FAM107B: variants seen among roughly 807,000 people sequenced by gnomAD.
The protein encoded by FAM107B is family with sequence similarity 107 member B, also known as protein FAM107B.
A neutral mutation model predicts 31.5 loss-of-function variants in FAM107B; 21 were observed. The ratio of observed to expected loss-of-function variants is 0.67; its 90% confidence interval spans 0.47 to 0.96. The LOEUF is 0.96. FAM107B is among the 40% of genes least tolerant of loss of function. The pLI is 0.00. For synonymous variants in FAM107B, 157 were observed against 141.5 expected (o/e 1.11, Z -0.78); for missense variants, 452 against 377.1 (o/e 1.20, Z -1.64).
chr10:14,698,636 A>G lies in FAM107B; in HGVS notation c.412-30945T>C, dbSNP rs1308318636. Among the ~76,000 whole-genome samples the G allele has an allele frequency of 2.0e-5, 3 of 152,210 alleles. No homozygotes were observed. The East Asian group carries it at 5.8e-4, about 29-fold the overall frequency. ...GGCTCAAAAACACGTGAGTTGACCAAGGTCCTACAGCTGTGACTCAGCTCC... is the reference window on the plus strand; with the variant it reads ...GGCTCAAAAACACGTGAGTTGACCAGGGTCCTACAGCTGTGACTCAGCTCC... On this transcript the variant is annotated intron_variant, in intron 1 of 4. Transcript: ENST00000181796.
chr10:14,594,630 A>G (rs1287252453), intron 2 of FAM107B, among the ~76,000 whole-genome samples: 1 of 152,238 alleles, frequency 6.6e-6, no homozygotes, highest in Non-Finnish European at 1.5e-5. Flanking sequence ...AAGAAGCAGT[A>G]AAGACACAGC....
At chr10:14,587,495 T>A (rs559170437) in intron 2 of FAM107B, among the ~76,000 whole-genome samples, 1 of 152,356 alleles carries the variant, frequency 6.6e-6, no homozygotes, top group Admixed American at 6.5e-5. Context: ...CTTATTTTCA[T>A]GGTATGAACA....
chr10:14,659,376 G>A (rs1854162312), intron 2 of FAM107B, among the ~76,000 whole-genome samples: 1 of 152,130 alleles, frequency 6.6e-6, no homozygotes, highest in African/African-American at 2.4e-5. Flanking sequence ...AGGGGGCAGA[G>A]GTTGCAGTGA....
intron 1 of FAM107B, among the ~76,000 whole-genome samples, chr10:14,710,445 C>T (rs867809472): frequency 0.023 from 3,271 of 139,466 alleles, 108 homozygotes; most frequent in African/African-American, 0.075. Context: ...CACACACACA[C>T]ACACACACAC....
At position 14,520,192 on chromosome 10, in the gene FAM107B, T is replaced by C. The variant is rs1845500742; in HGVS notation, c.*998A>G. 1 of 152,426 alleles carries C rather than the reference T, an allele frequency of 6.6e-6. No homozygotes were observed. The highest frequency in any genetic ancestry group is 1.5e-5 in the Non-Finnish European group (1 of 68,040). The allele number at this position is 152,426 out of a possible 1,614,324, so 9.4% of individuals were successfully genotyped here. ...ATTATCATTAGACATTCAAATGCTA[T>C]ACATCTTCTGATGAAGCCTCCTTGA... On this transcript the variant is annotated 3_prime_UTR_variant, in exon 5 of 5. Coordinates refer to ENST00000181796, the MANE Select transcript of FAM107B (RefSeq NM_031453.4).
intron 1 of FAM107B, among the ~76,000 whole-genome samples, chr10:14,700,827 C>CAAAAAAA (rs1159035034): frequency 5.3e-5 from 4 of 76,018 alleles, no homozygotes; most frequent in Admixed American, 3.7e-4. Flanking sequence ...TGGCAAGAGG[C>CAAAAAAA]AAAAAAAAAA....
chr10:14,569,553 TTCCTCAAC>T (rs1357979426), intron 2 of FAM107B, among the ~76,000 whole-genome samples: 1 of 151,952 alleles, frequency 6.6e-6, no homozygotes, highest in Non-Finnish European at 1.5e-5. Flanking sequence ...CAGAAAAAAA[TTCCTCAAC>T]TCAAGAACAA....
intron 2 of FAM107B, among the ~76,000 whole-genome samples, chr10:14,594,686 G>A (rs963697077): frequency 7.9e-5 from 12 of 152,130 alleles, no homozygotes; most frequent in East Asian, 5.8e-4. Context: ...TTAAAACCCC[G>A]AGCAAGCTTT....
At chr10:14,771,656 G>A (rs777864422) in intron 1 of FAM107B, among the ~76,000 whole-genome samples, 8 of 151,748 alleles carry the variant, frequency 5.3e-5, no homozygotes, top group Non-Finnish European at 1.0e-4. Flanking sequence ...TAATTATATC[G>A]ACATCAACAT....
At chr10:14,620,931 T>C (rs564484423) in intron 2 of FAM107B, among the ~76,000 whole-genome samples, 31 of 152,360 alleles carry the variant, frequency 2.0e-4, no homozygotes, top group African/African-American at 7.5e-4. Flanking sequence ...TCCCTAAGTA[T>C]TTCTTGGTTT....
intron 2 of FAM107B, among the ~76,000 whole-genome samples, chr10:14,618,718 T>C (rs559459219): frequency 2.4e-4 from 37 of 152,122 alleles, no homozygotes; most frequent in African/African-American, 8.4e-4. Flanking sequence ...GAACCTGTTA[T>C]CCCAGCTACA....
chr10:14,524,524 TAAAC>T (rs1846020824), intron 3 of FAM107B, among the ~76,000 whole-genome samples: 1 of 152,144 alleles, frequency 6.6e-6, no homozygotes, highest in Non-Finnish European at 1.5e-5. Flanking sequence ...CAAAACTAAA[TAAAC>T]AACAGGATAA....
intron 2 of FAM107B, chr10:14,663,284 T>C (rs1467401789): frequency 6.6e-6 from 1 of 152,244 alleles, no homozygotes; most frequent in Non-Finnish European, 1.5e-5. Flanking sequence ...CCTCAATAAA[T>C]TCCCCTTCAT....
intron 1 of FAM107B, among the ~76,000 whole-genome samples, chr10:14,697,564 G>A (rs902139514): frequency 9.9e-5 from 15 of 152,174 alleles, no homozygotes; most frequent in African/African-American, 2.7e-4. Context: ...ACAGAGATGA[G>A]AGAAATAGAA....
chr10:14,629,382 A>AATTT (rs1564606694), intron 2 of FAM107B, among the ~76,000 whole-genome samples: 300 of 35,270 alleles, frequency 8.5e-3, no homozygotes, highest in Middle Eastern at 0.024. Flanking sequence ...TAATATATAT[A>AATTT]ATATATATAA....
chr10:14,708,213 G>T (rs1282043226), intron 1 of FAM107B, among the ~76,000 whole-genome samples: 1 of 152,124 alleles, frequency 6.6e-6, no homozygotes, highest in African/African-American at 2.4e-5. Flanking sequence ...TGGTAGCTGG[G>T]ATTACAGGTG....
At chr10:14,723,455 G>T in intron 1 of FAM107B, 1 of 561,088 alleles carries the variant, frequency 1.8e-6, no homozygotes, top group Non-Finnish European at 3.4e-6. Flanking sequence ...TACAAGTAGA[G>T]ATCAGGCATG....
intron 1 of FAM107B, among the ~76,000 whole-genome samples, chr10:14,719,465 A>G (rs998352759): frequency 4.6e-5 from 7 of 152,198 alleles, no homozygotes; most frequent in Admixed American, 4.6e-4. Flanking sequence ...TTCAACGAAC[A>G]TAAATATTTT....
rs530434850 is a variant in FAM107B at position 14,730,628 on chromosome 10, T to G, written c.411+43625A>C. On this transcript the variant is annotated intron_variant, in intron 1 of 4. Coordinates refer to ENST00000181796, the MANE Select transcript of FAM107B (RefSeq NM_031453.4). ...TGAAGGATTTTCACCAATGGCATGA[T>G]CTGGTTCGTGTTTACAAAAATTTTT... 2.0e-5 allele frequency among the ~76,000 whole-genome samples: 3 copies of G among 152,290 alleles called. No homozygotes were observed. The South Asian group carries it at 6.2e-4, about 32-fold the overall frequency.
Sources: gnomAD v4.1 joint callset for allele counts (sites outside exome capture counted in the v4.1 genomes callset) on GRCh38, gnomAD v4.1.1 for gene constraint, MANE v1.5 for transcripts, NCBI Gene and HGNC (gene_info 2026-07-23, HGNC 2026-07-21) for gene names.